The following MAMDC2 variants were observed in gnomAD, a reference collection of about 807,000 sequenced individuals.
MAMDC2 encodes MAM domain containing 2, also known as MAM domain-containing protein 2.
Under a neutral mutation model 89.8 loss-of-function variants are expected in MAMDC2, and 57 were observed. That is an observed-to-expected ratio of 0.63 (90% CI 0.51 to 0.79). The LOEUF is 0.79. MAMDC2 is among the 30% of genes least tolerant of loss of function. MAMDC2 has a pLI of 0.00. For synonymous variants in MAMDC2, 313 were observed against 293.4 expected (o/e 1.07, Z -0.68); for missense variants, 800 against 820.6 (o/e 0.97, Z 0.31).
intron 11 of MAMDC2, among the ~76,000 whole-genome samples, chr9:70,187,870 C>A (rs2032791651): frequency 6.6e-6 from 1 of 152,112 alleles, no homozygotes; most frequent in Non-Finnish European, 1.5e-5. Flanking sequence ...TTTCTGTGGA[C>A]ATATGTTTTC....
At chr9:70,206,187 T>C (rs1274384450) in intron 11 of MAMDC2, among the ~76,000 whole-genome samples, 4 of 152,218 alleles carry the variant, frequency 2.6e-5, no homozygotes, top group African/African-American at 9.7e-5. Context: ...TCAGTTACTC[T>C]CAGTCAATGG....
intron 12 of MAMDC2, among the ~76,000 whole-genome samples, chr9:70,223,529 A>G (rs35473979): frequency 0.018 from 2,678 of 152,306 alleles, 85 homozygotes; most frequent in Admixed American, 0.081. Context: ...ATATGTTATC[A>G]AAAGCAATAC....
intron 9 of MAMDC2, among the ~76,000 whole-genome samples, chr9:70,155,672 G>A (rs944252183): frequency 5.3e-5 from 8 of 152,168 alleles, no homozygotes; most frequent in African/African-American, 1.9e-4. Context: ...CCAAACTTCT[G>A]GAAAGATGTA....
chr9:70,221,050 C>T (rs954841605), intron 12 of MAMDC2, among the ~76,000 whole-genome samples: 10 of 152,158 alleles, frequency 6.6e-5, no homozygotes, highest in Admixed American at 3.3e-4. Flanking sequence ...CCAGACTGAG[C>T]TCCTGTTGTT....
intron 11 of MAMDC2, among the ~76,000 whole-genome samples, chr9:70,198,215 A>G (rs2033017239): frequency 6.6e-6 from 1 of 150,404 alleles, no homozygotes; most frequent in Non-Finnish European, 1.5e-5. Context: ...AATATATAAT[A>G]AAGTTTAATT....
At chr9:70,207,347 T>C (rs908616350) in intron 11 of MAMDC2, among the ~76,000 whole-genome samples, 5 of 152,166 alleles carry the variant, frequency 3.3e-5, no homozygotes, top group East Asian at 1.9e-4. Flanking sequence ...TGGTATCTCA[T>C]TGTGGTTTTG....
rs565798435 is a variant in MAMDC2 at position 70,112,092 on chromosome 9, C to G, written c.506-903C>G. 7.2e-5 allele frequency among the ~76,000 whole-genome samples: 11 copies of G among 152,288 alleles called. No individual in the cohort carries two copies. The South Asian group carries it at 2.3e-3, about 32-fold the overall frequency. On this transcript the variant is annotated intron_variant, in intron 4 of 13. Transcript: ENST00000377182. ...TGGAAGGCAGGGTAGCCCATTGATA[C>G]AGTCCGGATAGGTCAACCTCTGCAG...
At chr9:70,102,440 G>A (rs933029586) in intron 2 of MAMDC2, among the ~76,000 whole-genome samples, 1 of 152,122 alleles carries the variant, frequency 6.6e-6, no homozygotes, top group African/African-American at 2.4e-5. Flanking sequence ...TGATGGTGTG[G>A]GACTTAGACC....
chr9:70,154,621 C>G (rs890193612), intron 9 of MAMDC2, among the ~76,000 whole-genome samples: 1 of 149,314 alleles, frequency 6.7e-6, no homozygotes. Context: ...ACCTCCTGGG[C>G]TCAAGCAGTC....
At chr9:70,181,425 C>T (rs1016465424) in intron 11 of MAMDC2, among the ~76,000 whole-genome samples, 2 of 152,138 alleles carry the variant, frequency 1.3e-5, no homozygotes, top group African/African-American at 4.8e-5. Context: ...AGCATTGAAT[C>T]TATAAATTAC....
At chr9:70,132,805 T>G (rs2030861357) in intron 7 of MAMDC2, among the ~76,000 whole-genome samples, 1 of 152,142 alleles carries the variant, frequency 6.6e-6, no homozygotes, top group Non-Finnish European at 1.5e-5. Flanking sequence ...ATTACAGGTG[T>G]GAGCCACAGT....
At chr9:70,158,840 T>C (rs2031860673) in intron 9 of MAMDC2, among the ~76,000 whole-genome samples, 2 of 152,118 alleles carry the variant, frequency 1.3e-5, no homozygotes, top group South Asian at 4.2e-4. Context: ...CAGCATGTTA[T>C]TGTATTAAAT....
chr9:70,110,181 C>T (rs530562577), intron 4 of MAMDC2, among the ~76,000 whole-genome samples: 21 of 152,230 alleles, frequency 1.4e-4, no homozygotes, highest in Admixed American at 2.6e-4. Flanking sequence ...CCTTATTTCT[C>T]TCTTGGCACA....
chr9:70,064,018 C>A (rs1307179907), intron 2 of MAMDC2, among the ~76,000 whole-genome samples: 1 of 151,872 alleles, frequency 6.6e-6, no homozygotes, highest in Non-Finnish European at 1.5e-5. Context: ...AAGGGATAAG[C>A]ATTCTTTATT....
At chr9:70,104,718 A>G (rs1398271662) in intron 2 of MAMDC2, among the ~76,000 whole-genome samples, 1 of 152,218 alleles carries the variant, frequency 6.6e-6, no homozygotes, top group Non-Finnish European at 1.5e-5. Flanking sequence ...CTATTTATAT[A>G]AAGTTTCCAG....
intron 11 of MAMDC2, among the ~76,000 whole-genome samples, chr9:70,208,214 A>C (rs2033271848): frequency 6.6e-6 from 1 of 152,172 alleles, no homozygotes; most frequent in Non-Finnish European, 1.5e-5. Flanking sequence ...TCTATAAATT[A>C]CCTTGGGCAG....
chr9:70,114,819 A>G (rs77730125), intron 5 of MAMDC2, among the ~76,000 whole-genome samples: 5,368 of 152,282 alleles, frequency 0.035, 127 homozygotes, highest in Non-Finnish European at 0.055. Context: ...GTCAAGTGCA[A>G]TAAGAGTGGT....
chr9:70,112,934 A>G (rs916845313), intron 4 of MAMDC2, 61 bp from the exon 5 acceptor site: 2 of 1,596,932 alleles, frequency 1.3e-6, no homozygotes, highest in African/African-American at 2.7e-5. Context: ...ACTCTGTAGT[A>G]GGATGCGTGT....
chr9:70,196,979 T>C (rs1017779652), intron 11 of MAMDC2, among the ~76,000 whole-genome samples: 9 of 152,182 alleles, frequency 5.9e-5, no homozygotes, highest in Middle Eastern at 3.4e-3. Flanking sequence ...GGAAGACAAA[T>C]AGTTGGAATT....
Sources: allele counts gnomAD v4.1 joint callset (sites outside exome capture counted in the v4.1 genomes callset), GRCh38; gene constraint gnomAD v4.1.1; transcripts MANE v1.5; gene names NCBI Gene and HGNC (gene_info 2026-07-23, HGNC 2026-07-21).